FAM13B: variants seen among roughly 807,000 people sequenced by gnomAD.
The protein encoded by FAM13B is protein FAM13B.
In FAM13B, 60 loss-of-function variants were observed where a neutral mutation model predicts 117.3. The observed-to-expected ratio is 0.51, with a 90% confidence interval of 0.42 to 0.63. FAM13B has a LOEUF of 0.63. Among genes scored for constraint, FAM13B ranks in the 30% least tolerant of loss-of-function variants. The pLI is 0.00. For missense variants in FAM13B, 972 were observed against 1,091.9 expected (o/e 0.89, Z 1.55); for synonymous variants, 332 against 356.1 (o/e 0.93, Z 0.76).
chr5:138,018,542 T>C, intron 3 of FAM13B, 28 bp from the exon 4 acceptor site: 2 of 1,575,824 alleles, frequency 1.3e-6, no homozygotes, highest in Non-Finnish European at 1.7e-6. Flanking sequence ...AATCATTCAA[T>C]AAGCTGCAAT....
At chr5:137,994,162 A>T (rs1482834760) in intron 7 of FAM13B, among the ~76,000 whole-genome samples, 2 of 152,214 alleles carry the variant, frequency 1.3e-5, no homozygotes, top group Non-Finnish European at 1.5e-5. Flanking sequence ...TTATTACTGC[A>T]AGAGTAAAGA....
At chr5:138,011,182 T>G in intron 5 of FAM13B, 33 bp from the exon 6 acceptor site, 1 of 1,575,530 alleles carries the variant, frequency 6.3e-7, no homozygotes, top group South Asian at 1.2e-5. Flanking sequence ...AATTGAGAGT[T>G]CTTAAATCAA....
At chr5:138,051,672 C>A (rs576804437) in intron 1 of FAM13B, among the ~76,000 whole-genome samples, 1 of 152,084 alleles carries the variant, frequency 6.6e-6, no homozygotes, top group South Asian at 2.1e-4. Context: ...GAGCATCTGA[C>A]TGTGCTGGTC....
chr5:138,011,582 G>A (rs1334303875), intron 5 of FAM13B, among the ~76,000 whole-genome samples, 186 bp downstream of exon 5: 24 of 151,998 alleles, frequency 1.6e-4, no homozygotes, highest in Non-Finnish European at 1.5e-5. Context: ...ACCATGCCCA[G>A]CTAGTTTTTT....
At position 138,018,587 on chromosome 5, in the gene FAM13B, TTAAC is replaced by T. The variant is rs1193486793; in HGVS notation, c.158-77_158-74del. On this transcript the variant is annotated intron_variant, in intron 3 of 23. Coordinates refer to ENST00000689681, the MANE Select transcript of FAM13B (RefSeq NM_001385994.1). ...TTGACCATATATATTCATTCTCCAA[TTAAC>T]TTAAAATACTCATACTTTTGGAAAG... The T allele has an allele frequency of 2.9e-6, 4 of 1,392,774 alleles. No individual in the cohort carries two copies. The African/African-American group carries it at 5.7e-5, about 20-fold the overall frequency. The allele number at this position is 1,392,774 out of a possible 1,614,324, so 86.3% of individuals were successfully genotyped here. A position where few individuals can be genotyped will look rare whatever the true frequency, so the allele number is the denominator to read the frequency against.
At chr5:138,027,417 C>T (rs1422225897) in intron 1 of FAM13B, among the ~76,000 whole-genome samples, 6 of 152,196 alleles carry the variant, frequency 3.9e-5, no homozygotes, top group Non-Finnish European at 5.9e-5. Flanking sequence ...TTTGACTTTA[C>T]ATCATTAAAC....
rs775610478 is a variant in FAM13B at position 138,007,103 on chromosome 5, T to A, written c.735A>T (p.Glu245Asp). The A allele has an allele frequency of 2.7e-5, 43 of 1,612,860 alleles. No homozygotes were observed. The highest frequency in any genetic ancestry group is 3.6e-5 in the Non-Finnish European group (42 of 1,179,690). The change falls in exon 7 of 24, where the codon GAA becomes GAT. Residue 245 changes from glutamate (E) to aspartate (D), a missense_variant. Glu to Asp is a conservative substitution (Grantham distance 45, BLOSUM62 2). Coordinates refer to ENST00000689681, the MANE Select transcript of FAM13B (RefSeq NM_001385994.1). Reference sequence around the variant, plus strand: ...CCTCTTCTGGAAGTTCTTCAATATGTTCCAGCTTTTCATCTTCCTCTTCTT... The same window carrying A: ...CCTCTTCTGGAAGTTCTTCAATATGATCCAGCTTTTCATCTTCCTCTTCTT... ...SEEEEEDEKLEHIEELPEEGA... is the reference protein window; with the variant it reads ...SEEEEEDEKLDHIEELPEEGA...
chr5:138,001,387 T>C (rs1252122712), intron 7 of FAM13B, among the ~76,000 whole-genome samples: 1 of 152,218 alleles, frequency 6.6e-6, no homozygotes, highest in Non-Finnish European at 1.5e-5. Context: ...TGACTTTCCT[T>C]TCATCCAAGG....
chr5:137,962,452 T>C lies in FAM13B; in HGVS notation c.1197A>G (p.Leu399=), dbSNP rs1768404221. The C allele has an allele frequency of 6.2e-7, 1 of 1,613,538 alleles. No homozygotes were observed. Residue 399 remains leucine, a synonymous_variant, in exon 11 of 24, where the codon TTA becomes TTG. Transcript: ENST00000689681. ...EENTQSVGIL[L]EPCSDRGDSE... ...TATCACCACGGTCACTGCATGGCTC[T>C]AACAATATACCTACAGACTGACAAA...
chr5:137,983,327 T>C (rs1176038370), intron 10 of FAM13B, among the ~76,000 whole-genome samples: 1 of 151,852 alleles, frequency 6.6e-6, no homozygotes, highest in Non-Finnish European at 1.5e-5. Flanking sequence ...CAGACATCAC[T>C]GGTGACTTGC....
At chr5:137,947,181 C>G (rs1052122617) in intron 18 of FAM13B, among the ~76,000 whole-genome samples, 2 of 152,128 alleles carry the variant, frequency 1.3e-5, no homozygotes, top group East Asian at 3.8e-4. Flanking sequence ...AACACTAGAC[C>G]AAATAATCTC....
intron 18 of FAM13B, among the ~76,000 whole-genome samples, chr5:137,946,650 G>A (rs959001345): frequency 2.6e-5 from 4 of 152,148 alleles, no homozygotes; most frequent in African/African-American, 9.7e-5. Flanking sequence ...CTACCTTAAA[G>A]GGCTCTAAAG....
intron 14 of FAM13B, 104 bp from the exon 15 acceptor site, chr5:137,954,480 A>AGTG (rs1412694917): frequency 2.7e-6 from 2 of 741,420 alleles, no homozygotes; most frequent in African/African-American, 1.8e-5. Flanking sequence ...ATCATTATGT[A>AGTG]GTGGTTCATA....
At chr5:137,988,239 C>T (rs1424519332) in intron 8 of FAM13B, 35 bp downstream of exon 8, 4 of 1,472,890 alleles carry the variant, frequency 2.7e-6, no homozygotes, top group Non-Finnish European at 3.6e-6. Context: ...ATTTTAAAAT[C>T]TTAAAAATTT....
intron 7 of FAM13B, among the ~76,000 whole-genome samples, chr5:138,003,860 G>A (rs1386921331): frequency 1.3e-5 from 2 of 152,192 alleles, no homozygotes; most frequent in African/African-American, 2.4e-5. Flanking sequence ...TCACAGAGCT[G>A]CCCATGTTCT....
chr5:138,002,742 T>C (rs1242535924), intron 7 of FAM13B, among the ~76,000 whole-genome samples: 2 of 141,472 alleles, frequency 1.4e-5, no homozygotes, highest in Non-Finnish European at 3.0e-5. Context: ...CTCGGCTCAC[T>C]GCAAGCTCTG....
At chr5:138,017,967 T>C (rs964492775) in intron 4 of FAM13B, among the ~76,000 whole-genome samples, 3 of 152,220 alleles carry the variant, frequency 2.0e-5, no homozygotes, top group African/African-American at 7.2e-5. Context: ...TTGGCTACTA[T>C]TGGACATTGT....
rs751110810 is a variant in FAM13B at position 137,952,638 on chromosome 5, C to A, written c.1920G>T (p.Lys640Asn). The A allele has an allele frequency of 6.3e-7, 1 of 1,593,714 alleles. No individual in the cohort carries two copies. Among genetic ancestry groups the A allele is most frequent in the Admixed American group, 1.7e-5 (1 of 58,400 alleles). ...TGGCACATAATATACCTTTAATTTGCTTCCGCAGTTTTGTAAGCTCTGTCA... is the reference window on the plus strand; with the variant it reads ...TGGCACATAATATACCTTTAATTTGATTCCGCAGTTTTGTAAGCTCTGTCA... ...KWMTELTKLR[K>N]QIKDAKHKNS... The change falls in exon 17 of 24, where the codon AAG becomes AAT. Residue 640 changes from lysine to asparagine, a missense_variant. Coordinates refer to ENST00000689681, the MANE Select transcript of FAM13B (RefSeq NM_001385994.1).
chr5:138,036,757 G>A (rs1183499315), upstream of FAM13B: 1 of 361,782 alleles, frequency 2.8e-6, no homozygotes, highest in Non-Finnish European at 5.4e-6. Flanking sequence ...GGAAGAAGAT[G>A]GTTTCTTTTA....
Sources: allele counts gnomAD v4.1 joint callset (sites outside exome capture counted in the v4.1 genomes callset), GRCh38; gene constraint gnomAD v4.1.1; transcripts MANE v1.5; gene names NCBI Gene and HGNC (gene_info 2026-07-23, HGNC 2026-07-21).